The following SDK2 variants were observed in gnomAD, a reference collection of about 807,000 sequenced individuals.
The protein encoded by SDK2 is protein sidekick-2.
In SDK2, 105 loss-of-function variants were observed where a neutral mutation model predicts 253.9. That is an observed-to-expected ratio of 0.41 (90% CI 0.35 to 0.49). The LOEUF (loss-of-function observed/expected upper bound fraction) is 0.49, where lower values mean the gene tolerates loss of function less well. Ranked by LOEUF, SDK2 falls within the 20% of genes least tolerant of loss-of-function variation. The pLI, the probability that SDK2 is intolerant of heterozygous loss-of-function variation, is 0.06. For missense variants in SDK2, 2,608 were observed against 3,003.0 expected (o/e 0.87, Z 3.07); for synonymous variants, 1,249 against 1,234.9 (o/e 1.01, Z -0.24).
rs2046060065 is a variant in SDK2 at position 73,616,527 on chromosome 17, C to G, written c.64+27498G>C. On this transcript the variant is annotated intron_variant, in intron 1 of 44. Coordinates refer to ENST00000392650, the MANE Select transcript of SDK2 (RefSeq NM_001144952.2). This position sits in a 1 kb window ranked among gnomAD's most constrained non-coding sequence, Gnocchi z 5.2. The stretch of plus-strand genomic sequence containing the variant: ...TTTGGTTTGTTGCTTTGGTTTGTTT[C>G]GTTCTCCTGGCTGAATTACCACGTG... Among the ~76,000 whole-genome samples, 2 of 152,184 alleles carry G rather than the reference C, an allele frequency of 1.3e-5. No homozygotes were observed. The highest frequency in any genetic ancestry group is 3.9e-4 in the East Asian group (2 of 5,190).
At chr17:73,405,402 T>G (rs1393592849) in intron 18 of SDK2, among the ~76,000 whole-genome samples, 2 of 111,508 alleles carry the variant, frequency 1.8e-5, no homozygotes, top group African/African-American at 6.9e-5. Flanking sequence ...ATTGCGACAC[T>G]GCACTCCAGC....
intron 2 of SDK2, among the ~76,000 whole-genome samples, chr17:73,472,692 A>G (rs1169659023): frequency 1.3e-5 from 2 of 152,196 alleles, no homozygotes; most frequent in Non-Finnish European, 2.9e-5. Flanking sequence ...CTTTCTTAAA[A>G]TTACAGACAG....
chr17:73,491,747 CT>C (rs2063807655), intron 2 of SDK2, among the ~76,000 whole-genome samples: 1 of 152,220 alleles, frequency 6.6e-6, no homozygotes, highest in African/African-American at 2.4e-5. Flanking sequence ...CCCATTCTCT[CT>C]GGGTGTTCCA....
chr17:73,391,591 G>GCTCATCCCCA, intron 27 of SDK2, 53 bp from the exon 28 acceptor site: 5 of 1,026,030 alleles, frequency 4.9e-6, no homozygotes, highest in Non-Finnish European at 6.4e-6. Context: ...GCTCAGCTGG[G>GCTCATCCCCA]GATGAGCCCA....
chr17:73,398,173 G>A lies in SDK2; in HGVS notation c.3216C>T (p.Arg1072=). The A allele has an allele frequency of 6.2e-7, 1 of 1,612,628 alleles. No homozygotes were observed. The highest frequency in any genetic ancestry group is 1.1e-5 in the South Asian group (1 of 90,894). The change falls in exon 24 of 45, where the codon CGC becomes CGT. Residue 1072 remains arginine, a synonymous_variant. Coordinates refer to ENST00000392650, the MANE Select transcript of SDK2 (RefSeq NM_001144952.2). The part of the protein sequence containing the change: ...NPFTCYSFRM[R]QVNIVGTSPP... ...GGCTGGTGCCCACGATGTTCACCTG[G>A]CGCATGCGGAAGCTGGGGTTGGGGA...
chr17:73,469,987 C>CGT (rs1567791301), intron 3 of SDK2, among the ~76,000 whole-genome samples: 20 of 116,056 alleles, frequency 1.7e-4, no homozygotes, highest in East Asian at 1.3e-3. Flanking sequence ...CGACTGCGCG[C>CGT]GCGCGCACAC....
At position 73,340,086 on chromosome 17, in the gene SDK2, G is replaced by C. The variant is rs61091408; in HGVS notation, c.6166-1146C>G. 5.3e-4 allele frequency among the ~76,000 whole-genome samples: 80 copies of C among 152,174 alleles called. 3 individuals carry two copies. The East Asian group carries it at 0.01, about 20-fold the overall frequency. ...GGGGTTTCACCATGTTGGCCAGGTT[G>C]GTCTTGAACTCCTGACCTCAGGTGA... is the stretch of plus-strand genomic sequence containing the variant. On this transcript the variant is annotated intron_variant, in intron 44 of 44. Coordinates refer to ENST00000392650, the MANE Select transcript of SDK2 (RefSeq NM_001144952.2).
rs1195466913 is a variant in SDK2 at position 73,419,370 on chromosome 17, A to G, written c.2046-64T>C. 1.9e-6 allele frequency: 3 copies of G among 1,559,376 alleles called. No homozygotes were observed. The African/African-American group carries it at 4.0e-5, about 21-fold the overall frequency. ...AAACACAGGAGTTGAATGGGATATG[A>G]GAAGGCTGAACCCTGGCCTGCTCTG... On this transcript the variant is annotated intron_variant, in intron 15 of 44. Coordinates refer to ENST00000392650, the MANE Select transcript of SDK2 (RefSeq NM_001144952.2).
chr17:73,487,321 G>T (rs1034881771), intron 2 of SDK2, among the ~76,000 whole-genome samples: 5 of 152,246 alleles, frequency 3.3e-5, no homozygotes, highest in Admixed American at 3.3e-4. Context: ...GAGCAAGGTG[G>T]GTTGAAAGTT....
Position 73,401,121 on chromosome 17 carries a change from C to G in SDK2, c.2870G>C (p.Gly957Ala), listed in dbSNP as rs1399856678. ...GGTGTAGGTGGTGAGCGCGGTGAGG[C>G]CCGTGACACGGTACTCCAGGGTCAC... ...PNVTLEYRVT[G>A]LTALTTYTIE... Residue 957 changes from glycine (G) to alanine (A), a missense_variant, in exon 21 of 45, where the codon GGC (glycine) becomes GCC (alanine). By Grantham distance (60) the Gly-to-Ala change is moderately conservative. Around this residue, in one of 2 missense-constraint regions of SDK2, gnomAD observed 1,505 missense variants for 1,859.1 expected, o/e 0.81. Transcript: ENST00000392650. 4 of 1,562,888 alleles carry G rather than the reference C, an allele frequency of 2.6e-6. No homozygotes were observed. The highest frequency in any genetic ancestry group is 3.5e-6 in the Non-Finnish European group (4 of 1,153,624).
chr17:73,369,132 G>A lies in SDK2; in HGVS notation c.4981-539C>T, dbSNP rs145969534. 2.7e-3 allele frequency: 1,272 copies of A among 470,842 alleles called. 16 individuals carry two copies. Among genetic ancestry groups the A allele is most frequent in the African/African-American group, 0.023 (1,168 of 50,208 alleles). The allele number at this position is 470,842 out of a possible 1,614,324, so 29.2% of individuals were successfully genotyped here. On this transcript the variant is annotated intron_variant, in intron 36 of 44. Coordinates refer to ENST00000392650, the MANE Select transcript of SDK2 (RefSeq NM_001144952.2). ...TCCAGGGCATGGCCCCCAAGTGTCT[G>A]TGTTTCCCGCCATGCCTGGAGGATT...
chr17:73,621,361 C>G (rs1411361600), intron 1 of SDK2, among the ~76,000 whole-genome samples: 9 of 152,150 alleles, frequency 5.9e-5, no homozygotes, highest in Non-Finnish European at 1.3e-4. Context: ...AATCTAGATT[C>G]TCTCTGACTT....
Position 73,350,311 on chromosome 17 carries a change from G to A in SDK2, c.5964C>T (p.Phe1988=). The A allele has an allele frequency of 6.2e-7, 1 of 1,613,610 alleles. No individual in the cohort carries two copies. The highest frequency in any genetic ancestry group is 1.3e-5 in the African/African-American group (1 of 75,052). The part of the protein sequence containing the change: ...SEMMSLDESS[F]PALELNNRRL... Reference sequence around the variant, plus strand: ...GCCTGTTGTTGAGTTCCAGGGCAGGGAAGCTGCTTTCATCCAAGCTCATCA... The same window carrying A: ...GCCTGTTGTTGAGTTCCAGGGCAGGAAAGCTGCTTTCATCCAAGCTCATCA... Residue 1988 remains phenylalanine, a synonymous_variant, in exon 43 of 45, where the codon TTC becomes TTT. Transcript: ENST00000392650.
chr17:73,510,534 C>T (rs1379049775), intron 1 of SDK2, among the ~76,000 whole-genome samples: 2 of 151,368 alleles, frequency 1.3e-5, no homozygotes, highest in Non-Finnish European at 3.0e-5. Flanking sequence ...GGGTCTCGGT[C>T]GGTTGCCTAG....
rs768798418 is a variant in SDK2, at chr17:73,438,110, A to C, written c.770T>G (p.Leu257Trp). 7 of 1,551,706 alleles carry C rather than the reference A, an allele frequency of 4.5e-6. No individual in the cohort carries two copies. Among genetic ancestry groups the C allele is most frequent in the South Asian group, 2.4e-5 (2 of 84,060 alleles). ...LHIIWKKDGV[L>W]LSGGISDHNR... ...GTGGTCACTGATGCCGCCCGACAGC[A>C]ATACCCCGTCCTTCTTCCAAATGAT... The change falls in exon 7 of 45, where the codon TTG becomes TGG. Residue 257 changes from leucine (L) to tryptophan (W), a missense_variant. Leu to Trp is a moderately conservative substitution (Grantham distance 61). Coordinates refer to ENST00000392650, the MANE Select transcript of SDK2 (RefSeq NM_001144952.2).
intron 1 of SDK2, among the ~76,000 whole-genome samples, chr17:73,622,655 G>A (rs1175514886): frequency 6.6e-6 from 1 of 152,212 alleles, no homozygotes; most frequent in African/African-American, 2.4e-5. Context: ...AAGGAGAGGT[G>A]CGTCTTTCTT....
intron 1 of SDK2, among the ~76,000 whole-genome samples, chr17:73,582,952 C>A (rs1010784787): frequency 3.3e-5 from 5 of 152,206 alleles, no homozygotes; most frequent in Non-Finnish European, 7.3e-5. Flanking sequence ...TTACAACCCT[C>A]TAACGTGGCA....
chr17:73,516,047 C>T (rs1038398114), intron 1 of SDK2, among the ~76,000 whole-genome samples: 3 of 152,114 alleles, frequency 2.0e-5, no homozygotes, highest in African/African-American at 2.4e-5. Context: ...ACCTGTTTCC[C>T]GCTTCTCAGA....
chr17:73,341,063 T>A (rs1233284068), intron 44 of SDK2, among the ~76,000 whole-genome samples: 3 of 123,304 alleles, frequency 2.4e-5, no homozygotes, highest in Non-Finnish European at 3.6e-5. Flanking sequence ...TTTTTTTTTT[T>A]AAGAGACAGG....
Sources: allele counts gnomAD v4.1 joint callset (sites outside exome capture counted in the v4.1 genomes callset), GRCh38; gene constraint gnomAD v4.1.1; regional missense constraint gnomAD v4.1.1; non-coding constraint Gnocchi (gnomAD v3.1); transcripts MANE v1.5; gene names NCBI Gene and HGNC (gene_info 2026-07-23, HGNC 2026-07-21).